The following ASB4 variants were observed in gnomAD, a reference collection of about 807,000 sequenced individuals.
The protein encoded by ASB4 is ankyrin repeat and SOCS box protein 4.
In ASB4, 35 loss-of-function variants were observed where a neutral mutation model predicts 38.6. That is an observed-to-expected ratio of 0.91 (90% CI 0.69 to 1.20). The LOEUF (loss-of-function observed/expected upper bound fraction) is 1.20, where lower values mean the gene tolerates loss of function less well. ASB4 is among the 50% of genes most tolerant of loss of function. The pLI, the probability that ASB4 is intolerant of heterozygous loss-of-function variation, is 0.00. For synonymous variants in ASB4, 195 were observed against 201.3 expected (o/e 0.97, Z 0.26); for missense variants, 557 against 527.2 (o/e 1.06, Z -0.55).
chr7:95,471,088 A>G, the ASB4 span, among the ~76,000 whole-genome samples: 1 of 151,672 alleles, frequency 6.6e-6, no homozygotes, highest in Admixed American at 6.6e-5. Context: ...AATGTTTCTC[A>G]TTTTTCTGTC....
At chr7:95,478,676 G>A (rs1431874649) in intron 1 of ASB4, 2 of 152,192 alleles carry the variant, frequency 1.3e-5, no homozygotes, top group Non-Finnish European at 2.9e-5. Flanking sequence ...GATCCAAGAA[G>A]TGGGCAGTAG....
chr7:95,500,281 T>C (rs1289504168), intron 2 of ASB4, among the ~76,000 whole-genome samples: 2 of 152,052 alleles, frequency 1.3e-5, no homozygotes, highest in African/African-American at 4.8e-5. Context: ...AAAGATGCCA[T>C]GTGGCTAGGA....
intron 3 of ASB4, among the ~76,000 whole-genome samples, chr7:95,533,940 C>T (rs1033935511): frequency 6.6e-6 from 1 of 152,174 alleles, no homozygotes; most frequent in African/African-American, 2.4e-5. Context: ...TCCATTTATA[C>T]CCATTTAGAC....
intron 1 of ASB4, 117 bp from the exon 2 acceptor site, chr7:95,495,641 C>T (rs1790233881): frequency 9.8e-7 from 1 of 1,021,208 alleles, no homozygotes; most frequent in Non-Finnish European, 1.4e-6. Flanking sequence ...ATCCCCTCTC[C>T]ACCCCACTTT....
At chr7:95,499,471 A>G (rs1362571222) in intron 2 of ASB4, among the ~76,000 whole-genome samples, 1 of 152,242 alleles carries the variant, frequency 6.6e-6, no homozygotes, top group Non-Finnish European at 1.5e-5. Flanking sequence ...GTGGCCAGCT[A>G]TAGTGATAGC....
At chr7:95,488,736 C>T (rs1341367948) in intron 1 of ASB4, among the ~76,000 whole-genome samples, 2 of 152,168 alleles carry the variant, frequency 1.3e-5, no homozygotes, top group African/African-American at 4.8e-5. Flanking sequence ...AAGCTCTCCG[C>T]AAAAGTGCAT....
At chr7:95,515,267 CTCTTTCTTTCTTTCTTTCTTTCTTTCTT>C (rs1227960057) in intron 2 of ASB4, among the ~76,000 whole-genome samples, 2 of 72,546 alleles carry the variant, frequency 2.8e-5, no homozygotes, top group African/African-American at 4.8e-5. Flanking sequence ...TTCTTTCTTT[CTCTTTCTTTCTTTCTTTCTTTCTTTCTT>C]TCTTTCTTTC....
At chr7:95,537,318 C>T (rs1005739534) in intron 4 of ASB4, among the ~76,000 whole-genome samples, 7 of 152,176 alleles carry the variant, frequency 4.6e-5, no homozygotes, top group Non-Finnish European at 7.3e-5. Flanking sequence ...TTAGATTCAT[C>T]CAGGCACTTC....
At chr7:95,524,792 G>A (rs1275224837) in intron 2 of ASB4, among the ~76,000 whole-genome samples, 1 of 152,184 alleles carries the variant, frequency 6.6e-6, no homozygotes, top group Non-Finnish European at 1.5e-5. Context: ...CGGGTCCCCA[G>A]AGACCCTCTA....
chr7:95,491,578 G>A (rs930460996), intron 1 of ASB4, among the ~76,000 whole-genome samples: 2 of 152,168 alleles, frequency 1.3e-5, no homozygotes, highest in African/African-American at 4.8e-5. Context: ...TGGGAAGAAG[G>A]GAGTGTGTAA....
upstream of ASB4, among the ~76,000 whole-genome samples, chr7:95,477,384 T>C (rs918216648): frequency 1.3e-5 from 2 of 152,228 alleles, no homozygotes; most frequent in South Asian, 2.1e-4. Flanking sequence ...TATATAGTTA[T>C]CACATCAAAA....
At chr7:95,497,403 T>C (rs1376815128) in intron 2 of ASB4, among the ~76,000 whole-genome samples, 1 of 152,078 alleles carries the variant, frequency 6.6e-6, no homozygotes, top group East Asian at 1.9e-4. Flanking sequence ...GGATTGGATG[T>C]GGGTGGGGTG....
chr7:95,499,223 G>A (rs1790295777), intron 2 of ASB4, among the ~76,000 whole-genome samples: 1 of 152,120 alleles, frequency 6.6e-6, no homozygotes, highest in South Asian at 2.1e-4. Flanking sequence ...AGAATTGTTG[G>A]CCTATAGATT....
chr7:95,543,636 G>C (rs1790998165), downstream of ASB4: 1 of 152,180 alleles, frequency 6.6e-6, no homozygotes, highest in South Asian at 2.1e-4. Flanking sequence ...GTTTGGGAGG[G>C]AATTTAAAAG....
chr7:95,534,569 G>A (rs1790862806), intron 3 of ASB4, among the ~76,000 whole-genome samples: 1 of 152,038 alleles, frequency 6.6e-6, no homozygotes, highest in Non-Finnish European at 1.5e-5. Context: ...CAGCCTGGGA[G>A]CCGGTTGGTG....
intron 2 of ASB4, among the ~76,000 whole-genome samples, chr7:95,524,875 C>A (rs1271119836): frequency 1.3e-5 from 2 of 152,166 alleles, no homozygotes; most frequent in African/African-American, 4.8e-5. Context: ...AGCAGCCTGG[C>A]CTCTCCTTTT....
At chr7:95,503,177 G>C (rs1441298988) in intron 2 of ASB4, among the ~76,000 whole-genome samples, 2 of 152,142 alleles carry the variant, frequency 1.3e-5, no homozygotes, top group African/African-American at 4.8e-5. Flanking sequence ...TGTTATTTTA[G>C]ATCCTTGCTG....
At chr7:95,485,902 A>C, upstream of ASB4, 3 of 1,406,174 alleles carry the variant, frequency 2.1e-6, no homozygotes, top group South Asian at 1.3e-5. Flanking sequence ...TGGACTCTCC[A>C]GCATGCGCCT....
intron 1 of ASB4, among the ~76,000 whole-genome samples, chr7:95,494,607 A>C (rs1243595598): frequency 6.6e-6 from 1 of 152,232 alleles, no homozygotes; most frequent in Non-Finnish European, 1.5e-5. Flanking sequence ...TTGAAGAACT[A>C]TCTCTTCATC....
Sources: gnomAD v4.1 joint callset for allele counts (sites outside exome capture counted in the v4.1 genomes callset) on GRCh38, gnomAD v4.1.1 for gene constraint, MANE v1.5 for transcripts, NCBI Gene and HGNC (gene_info 2026-07-23, HGNC 2026-07-21) for gene names.